PRORP: variants seen among roughly 807,000 people sequenced by gnomAD.
PRORP encodes the protein mitochondrial ribonuclease P catalytic subunit.
PRORP carries 51 observed loss-of-function variants against 59.4 expected under a neutral mutation model. The ratio of observed to expected loss-of-function variants is 0.86; its 90% CI spans 0.69 to 1.08. PRORP has a LOEUF of 1.08. PRORP is among the 50% of genes least tolerant of loss of function. The pLI is 0.00. For synonymous variants in PRORP, 231 were observed against 245.6 expected, an observed-to-expected ratio of 0.94 and a Z score of 0.55; for missense variants, 646 against 690.3, an observed-to-expected ratio of 0.94 and a Z score of 0.72.
chr14:35,129,551 T>C (rs927340944), intron 4 of PRORP, among the ~76,000 whole-genome samples: 26 of 151,996 alleles, frequency 1.7e-4, no homozygotes, highest in Non-Finnish European at 3.5e-4. Context: ...CTTGGCTCGC[T>C]GCATCCTCCA....
chr14:35,158,373 C>A, intron 4 of PRORP: 1 of 305,998 alleles, frequency 3.3e-6, no homozygotes, highest in South Asian at 4.9e-5. Flanking sequence ...TTACCAACAC[C>A]CCAAGGATAC....
intron 4 of PRORP, among the ~76,000 whole-genome samples, chr14:35,168,778 A>G: frequency 6.6e-6 from 1 of 152,170 alleles, no homozygotes; most frequent in East Asian, 1.9e-4. Flanking sequence ...TGTGACTATT[A>G]GTGATGACTT....
At chr14:35,183,195 T>G (rs1044249964) in intron 5 of PRORP, among the ~76,000 whole-genome samples, 2 of 150,100 alleles carry the variant, frequency 1.3e-5, no homozygotes, top group East Asian at 4.0e-4. Context: ...CCCAAAAAAT[T>G]TCTAGAAGTT....
At chr14:35,164,240 A>G (rs1217444297) in intron 4 of PRORP, among the ~76,000 whole-genome samples, 2 of 152,226 alleles carry the variant, frequency 1.3e-5, no homozygotes, top group South Asian at 2.1e-4. Context: ...AGATTTCTCA[A>G]ATAACTTAAA....
chr14:35,217,500 CAAA>C (rs1226022740), intron 5 of PRORP, among the ~76,000 whole-genome samples: 6 of 73,818 alleles, frequency 8.1e-5, no homozygotes, highest in Non-Finnish European at 1.5e-4. Context: ...GACTCTGTCT[CAAA>C]AAAAAAAAAA....
intron 5 of PRORP, among the ~76,000 whole-genome samples, chr14:35,250,031 T>C (rs1302626517): frequency 6.6e-6 from 1 of 152,038 alleles, no homozygotes; most frequent in Admixed American, 6.6e-5. Context: ...GCAGATCACT[T>C]GAGGCCAGGA....
chr14:35,273,344 T>C (rs2051243709), intron 7 of PRORP, 91 bp from the exon 8 acceptor site: 1 of 1,298,726 alleles, frequency 7.7e-7, no homozygotes, highest in Non-Finnish European at 1.0e-6. Context: ...AATACTCTTC[T>C]GGAGCAAACT....
At chr14:35,247,987 G>A (rs2050524507) in intron 5 of PRORP, among the ~76,000 whole-genome samples, 1 of 152,190 alleles carries the variant, frequency 6.6e-6, no homozygotes, top group Non-Finnish European at 1.5e-5. Context: ...CTGTGTGGGT[G>A]CTAATGGCAT....
At chr14:35,175,218 T>G (rs1202179565) in intron 4 of PRORP, among the ~76,000 whole-genome samples, 3 of 152,158 alleles carry the variant, frequency 2.0e-5, no homozygotes, top group Non-Finnish European at 4.4e-5. Flanking sequence ...TGCATGTGTC[T>G]TTATAGCAGC....
chr14:35,211,685 C>G (rs559047349), intron 5 of PRORP, among the ~76,000 whole-genome samples: 1 of 152,278 alleles, frequency 6.6e-6, no homozygotes, highest in African/African-American at 2.4e-5. Flanking sequence ...TACTTTATTG[C>G]TAAAAAATGC....
At position 35,140,197 on chromosome 14, in the gene PRORP, G is replaced by C. The variant is rs187172477; in HGVS notation, c.1167+12586G>C. 5.7e-5 allele frequency among the ~76,000 whole-genome samples: 8 copies of C among 141,528 alleles called. 3 individuals carry two copies. In the East Asian group the frequency reaches 2.0e-3, roughly 35 times the overall value. The allele number at this position is 141,528 out of a possible 152,430, so 92.8% of individuals were successfully genotyped here. ...TGGGTAACTCTCTTAGGACTGGAAT[G>C]GTTTGGTCTTATGGTAGATGTCTTA... On this transcript the variant is annotated intron_variant, in intron 4 of 7. Transcript: ENST00000534898.
intron 5 of PRORP, among the ~76,000 whole-genome samples, chr14:35,191,901 G>T (rs955946327): frequency 9.9e-5 from 15 of 152,022 alleles, no homozygotes; most frequent in African/African-American, 3.6e-4. Context: ...AAGTTTTCTT[G>T]GTTTTAACCC....
intron 5 of PRORP, chr14:35,262,749 C>T (rs972289054): frequency 2.0e-6 from 2 of 998,336 alleles, no homozygotes; most frequent in Non-Finnish European, 3.2e-6. Context: ...TGTGTATGCT[C>T]ACTTCCCCAT....
At chr14:35,179,067 C>T (rs56658608) in intron 4 of PRORP, among the ~76,000 whole-genome samples, 28,076 of 152,192 alleles carry the variant, frequency 0.18, 2,849 homozygotes, top group Admixed American at 0.27. Context: ...TGAATATTGG[C>T]CCCCACTCTC....
intron 5 of PRORP, among the ~76,000 whole-genome samples, chr14:35,250,625 T>A (rs958205081): frequency 4.6e-5 from 7 of 152,106 alleles, no homozygotes; most frequent in African/African-American, 1.7e-4. Context: ...GACTGATTCA[T>A]TAAAGGGAGG....
At chr14:35,228,522 T>C (rs1442889495) in intron 5 of PRORP, among the ~76,000 whole-genome samples, 5 of 152,214 alleles carry the variant, frequency 3.3e-5, no homozygotes, top group African/African-American at 7.2e-5. Context: ...GAGTACCCAA[T>C]GTTTATCTCA....
chr14:35,208,019 G>A (rs56104477), intron 5 of PRORP, among the ~76,000 whole-genome samples: 29,756 of 152,010 alleles, frequency 0.2, 3,545 homozygotes, highest in East Asian at 0.32. Context: ...GCATAGTGGT[G>A]TATGCCTGTA....
In PRORP at chr14:35,123,372, C is replaced by A; in HGVS notation, c.127C>A (p.Gln43Lys). ...LADRCGIRNQ[Q>K]RLFSLKTMSP... ...AGACCGCTGTGGCATCAGGAACCAG[C>A]AGAGGTTGTTTTCTCTTAAAACAAT... The change falls in exon 2 of 8, where the codon CAG (glutamine) becomes AAG (lysine). Residue 43 changes from glutamine (Q) to lysine (K), a missense_variant. By Grantham distance (53) the Gln-to-Lys change is moderately conservative. Coordinates refer to ENST00000534898, the MANE Select transcript of PRORP (RefSeq NM_014672.4). 1.2e-6 allele frequency: 2 copies of A among 1,614,154 alleles called. No homozygotes were observed. Among genetic ancestry groups the A allele is most frequent in the Non-Finnish European group, 1.7e-6 (2 of 1,180,032 alleles).
chr14:35,198,517 A>T (rs1486359178), intron 5 of PRORP, among the ~76,000 whole-genome samples: 3 of 152,228 alleles, frequency 2.0e-5, no homozygotes, highest in Non-Finnish European at 4.4e-5. Context: ...TGACTCTTGG[A>T]AAATAAATTT....
Sources: allele counts gnomAD v4.1 joint callset (sites outside exome capture counted in the v4.1 genomes callset), GRCh38; gene constraint gnomAD v4.1.1; transcripts MANE v1.5; gene names NCBI Gene and HGNC (gene_info 2026-07-23, HGNC 2026-07-21).